Variants in ZRANB3 observed in about 807,000 individuals in gnomAD.
ZRANB3 encodes the protein DNA annealing helicase and endonuclease ZRANB3.
Under a neutral mutation model 133.8 loss-of-function variants are expected in ZRANB3, and 125 were observed. The observed-to-expected ratio is 0.93, with a 90% CI of 0.81 to 1.08. The LOEUF is 1.08. ZRANB3 is among the 50% of genes least tolerant of loss of function. ZRANB3 has a pLI of 0.00. For synonymous variants in ZRANB3, 387 were observed against 432.7 expected (o/e 0.89, Z 1.31); for missense variants, 1,229 against 1,275.5 (o/e 0.96, Z 0.56).
intron 20 of ZRANB3, among the ~76,000 whole-genome samples, chr2:135,201,364 A>G (rs149659606): frequency 1.4e-4 from 21 of 152,240 alleles, no homozygotes; most frequent in Non-Finnish European, 2.9e-4. Context: ...ACAGAAGAGA[A>G]GCTTACGGTG....
intron 2 of ZRANB3, among the ~76,000 whole-genome samples, chr2:135,443,268 A>T (rs1039971984): frequency 6.6e-6 from 1 of 152,122 alleles, no homozygotes; most frequent in East Asian, 1.9e-4. Flanking sequence ...AAAAACTATC[A>T]CAAGGACAGA....
At chr2:135,228,312 GTTTT>G in intron 13 of ZRANB3, 2 of 150,784 alleles carry the variant, frequency 1.3e-5, no homozygotes, top group Non-Finnish European at 1.4e-5. Context: ...ACTAAGTTTT[GTTTT>G]TTTTTTTTTT....
intron 3 of ZRANB3, among the ~76,000 whole-genome samples, chr2:135,355,504 T>A (rs1173250307): frequency 1.3e-5 from 2 of 151,894 alleles, no homozygotes; most frequent in African/African-American, 4.8e-5. Flanking sequence ...TGAGGTGGCA[T>A]GCCCCACCAC....
chr2:135,342,338 G>A (rs934675932), intron 6 of ZRANB3, among the ~76,000 whole-genome samples: 5 of 149,794 alleles, frequency 3.3e-5, no homozygotes, highest in South Asian at 2.1e-4. Context: ...ACGCCTGGCC[G>A]ACAACTGACT....
intron 5 of ZRANB3, among the ~76,000 whole-genome samples, chr2:135,348,207 C>T (rs55991564): frequency 1.3e-5 from 2 of 150,630 alleles, no homozygotes; most frequent in African/African-American, 4.9e-5. Context: ...TGCTGTGAGC[C>T]GAGATCATGC....
chr2:135,230,942 C>T lies in ZRANB3; in HGVS notation c.1540-15G>A. On this transcript the variant is annotated splice_polypyrimidine_tract_variant and intron_variant, in intron 12 of 20. Coordinates refer to ENST00000264159, the MANE Select transcript of ZRANB3 (RefSeq NM_032143.4). ...TCTTTTTCGAACTAGGAAAAGCAAA[C>T]AGTAGTTATCAAAGTAAGAAGCAAT... 1 of 1,523,258 alleles carries T rather than the reference C, an allele frequency of 6.6e-7. No homozygotes were observed. The highest frequency in any genetic ancestry group is 8.8e-7 in the Non-Finnish European group (1 of 1,139,686). 94.4% of individuals were successfully genotyped at this position (1,523,258 alleles called of 1,614,324 possible).
chr2:135,445,731 C>T (rs1689990917), intron 2 of ZRANB3, among the ~76,000 whole-genome samples: 1 of 147,680 alleles, frequency 6.8e-6, no homozygotes, highest in Non-Finnish European at 1.5e-5. Flanking sequence ...CAAAAATTAG[C>T]CGGGTGCAGT....
intron 6 of ZRANB3, among the ~76,000 whole-genome samples, chr2:135,324,281 T>A (rs1231568471): frequency 1.4e-5 from 2 of 145,636 alleles, no homozygotes; most frequent in Non-Finnish European, 3.0e-5. Flanking sequence ...CTTTCCTGTG[T>A]CCAAGTGTTC....
chr2:135,220,856 TTA>T, intron 15 of ZRANB3, among the ~76,000 whole-genome samples: 2 of 150,448 alleles, frequency 1.3e-5, no homozygotes, highest in Non-Finnish European at 2.9e-5. Flanking sequence ...AACTAGGAAT[TTA>T]TTTTTTTTTT....
At chr2:135,206,887 G>A (rs532275340) in intron 19 of ZRANB3, among the ~76,000 whole-genome samples, 25 of 152,228 alleles carry the variant, frequency 1.6e-4, no homozygotes, top group African/African-American at 5.1e-4. Flanking sequence ...GGAGATGGCC[G>A]GGCATGATGG....
rs1693555018 is a variant in ZRANB3, at chr2:135,200,007, G to A, written c.*335C>T. 1 of 332,646 alleles carries A rather than the reference G, an allele frequency of 3.0e-6. No homozygotes were observed. Among genetic ancestry groups the A allele is most frequent in the African/African-American group, 2.2e-5 (1 of 45,898 alleles). The allele number at this position is 332,646 out of a possible 1,614,324, so 20.6% of individuals were successfully genotyped here. ...CAATACTAATCCAGAAGCATTTTTAGGTAATTGAGAGTACATTTTTTAAAC... is the reference window on the plus strand; with the variant it reads ...CAATACTAATCCAGAAGCATTTTTAAGTAATTGAGAGTACATTTTTTAAAC... On this transcript the variant is annotated 3_prime_UTR_variant, in exon 21 of 21. Transcript: ENST00000264159.
chr2:135,243,648 T>G (rs1269368699), intron 12 of ZRANB3, among the ~76,000 whole-genome samples: 1 of 152,136 alleles, frequency 6.6e-6, no homozygotes, highest in African/African-American at 2.4e-5. Context: ...AAGCAGGTTC[T>G]TTCTTTGTCA....
At chr2:135,220,193 C>A (rs1049910668) in intron 15 of ZRANB3, among the ~76,000 whole-genome samples, 1 of 152,192 alleles carries the variant, frequency 6.6e-6, no homozygotes, top group South Asian at 2.1e-4. Flanking sequence ...GCATGAGCCA[C>A]CACGCCCAGC....
Position 135,274,300 on chromosome 2 carries a change from T to C in ZRANB3, c.1086+1336A>G, listed in dbSNP as rs1435321568. On this transcript the variant is annotated intron_variant, in intron 9 of 20. Transcript: ENST00000264159. ...GTAAAGCCACATGGCTTGATGGAGC[T>C]AACCTGATAAATTACTTGGGCCATA... is the stretch of plus-strand genomic sequence containing the variant. 3.3e-5 allele frequency among the ~76,000 whole-genome samples: 5 copies of C among 152,228 alleles called. No individual in the cohort carries two copies. The East Asian group carries it at 9.7e-4, about 29-fold the overall frequency.
At position 135,441,547 on chromosome 2, in the gene ZRANB3, T is replaced by A. The variant is rs544682566; in HGVS notation, c.162-50727A>T. On this transcript the variant is annotated intron_variant, in intron 2 of 20. Coordinates refer to ENST00000264159, the MANE Select transcript of ZRANB3 (RefSeq NM_032143.4). ...ATAAATGACTGAATACACACATGCATACACATATTTTTCTTTTTTCTCTTT... is the reference window on the plus strand; with the variant it reads ...ATAAATGACTGAATACACACATGCAAACACATATTTTTCTTTTTTCTCTTT... 7.7e-4 allele frequency among the ~76,000 whole-genome samples: 117 copies of A among 152,138 alleles called. 1 individual carries two copies. The highest frequency in any genetic ancestry group is 1.4e-3 in the Non-Finnish European group (97 of 67,976).
intron 6 of ZRANB3, 88 bp from the exon 7 acceptor site, chr2:135,315,618 A>G: frequency 1.0e-6 from 1 of 975,882 alleles, no homozygotes; most frequent in Non-Finnish European, 1.4e-6. Context: ...TTTTAATGAT[A>G]AGGAGCCATG....
Position 135,316,983 on chromosome 2 carries a change from A to AAAAAT in ZRANB3, c.678-1454_678-1453insATTTT, listed in dbSNP as rs35114507. ...CCGTCTCGAGAAAAAAAAAAAAAAA[A>AAAAAT]ATATATATATATATATATACTTGCA... On this transcript the variant is annotated intron_variant, in intron 6 of 20. Transcript: ENST00000264159. 4.5e-3 allele frequency among the ~76,000 whole-genome samples: 589 copies of AAAAAT among 131,402 alleles called. 4 individuals are homozygous for AAAAAT. The highest frequency in any genetic ancestry group is 0.019 in the South Asian group (81 of 4,244). The allele number at this position is 131,402 out of a possible 152,430, so 86.2% of individuals were successfully genotyped here. A position where few individuals can be genotyped will look rare whatever the true frequency, so the allele number is the denominator to read the frequency against.
At chr2:135,289,497 A>AC (rs545090296) in intron 8 of ZRANB3, among the ~76,000 whole-genome samples, 51 of 151,104 alleles carry the variant, frequency 3.4e-4, no homozygotes, top group Middle Eastern at 3.4e-3. Flanking sequence ...CTTGTGATCT[A>AC]CCCCCCTCAG....
At chr2:135,208,706 C>A (rs1238790847) in intron 18 of ZRANB3, among the ~76,000 whole-genome samples, 162 bp downstream of exon 18, 1 of 152,196 alleles carries the variant, frequency 6.6e-6, no homozygotes, top group African/African-American at 2.4e-5. Flanking sequence ...CACCAGGTAC[C>A]TCAACAGGTT....
Sources: gnomAD v4.1 joint callset for allele counts (sites outside exome capture counted in the v4.1 genomes callset) on GRCh38, gnomAD v4.1.1 for gene constraint, MANE v1.5 for transcripts, NCBI Gene and HGNC (gene_info 2026-07-23, HGNC 2026-07-21) for gene names.